The following AK9 variants were observed in gnomAD, a reference collection of about 807,000 sequenced individuals.
The protein encoded by AK9 is adenylate kinase domain containing 1.
Under a neutral mutation model 239.6 loss-of-function variants are expected in AK9, and 191 were observed. That is an observed-to-expected ratio of 0.80 (90% CI 0.71 to 0.90). The LOEUF is 0.90. AK9 is among the 40% of genes least tolerant of loss of function. AK9 has a pLI of 0.00. For synonymous variants in AK9, 689 were observed against 721.0 expected, an observed-to-expected ratio of 0.96 and a Z score of 0.71; for missense variants, 1,995 against 2,214.7, an observed-to-expected ratio of 0.90 and a Z score of 1.99.
chr6:109,566,847 T>C (rs1175436230), intron 21 of AK9, among the ~76,000 whole-genome samples: 1 of 152,024 alleles, frequency 6.6e-6, no homozygotes, highest in Non-Finnish European at 1.5e-5. Context: ...CATAACGAAA[T>C]GAAGGCAGAA....
At chr6:109,559,230 C>T (rs762203944) in intron 24 of AK9, among the ~76,000 whole-genome samples, 5 of 151,072 alleles carry the variant, frequency 3.3e-5, no homozygotes, top group Non-Finnish European at 7.4e-5. Context: ...TGCAGTGGCA[C>T]GATCTCGGCT....
At chr6:109,668,735 C>T (rs1801633713) in intron 5 of AK9, among the ~76,000 whole-genome samples, 1 of 89,778 alleles carries the variant, frequency 1.1e-5, no homozygotes, top group Admixed American at 1.4e-4. Context: ...TCTGAGGCCT[C>T]TGTTCTGTTC....
At position 109,611,991 on chromosome 6, in the gene AK9, T is replaced by G. The variant is rs977423915; in HGVS notation, c.1693+19A>C. The G allele has an allele frequency of 2.8e-6, 4 of 1,437,986 alleles. No homozygotes were observed. In the African/African-American group the frequency reaches 4.4e-5, roughly 16 times the overall value. 89.1% of individuals were successfully genotyped at this position (1,437,986 alleles called of 1,614,324 possible). ...GAACCACAATCTAAAAGAATCAAAT[T>G]ATACAAATATTAATTTACCTGTATC... On this transcript the variant is annotated intron_variant, in intron 16 of 40. Coordinates refer to ENST00000424296, the MANE Select transcript of AK9 (RefSeq NM_001145128.3).
At chr6:109,552,496 G>A (rs1163043485) in intron 24 of AK9, among the ~76,000 whole-genome samples, 1 of 152,180 alleles carries the variant, frequency 6.6e-6, no homozygotes, top group Non-Finnish European at 1.5e-5. Flanking sequence ...CCACATAAAT[G>A]TCTTCTTTTG....
At chr6:109,553,610 A>G (rs1784615225) in intron 24 of AK9, among the ~76,000 whole-genome samples, 1 of 152,190 alleles carries the variant, frequency 6.6e-6, no homozygotes, top group Non-Finnish European at 1.5e-5. Flanking sequence ...GGCTGAAATA[A>G]TGGGGTATTC....
chr6:109,636,266 C>T (rs943836413), intron 10 of AK9, among the ~76,000 whole-genome samples: 4 of 152,112 alleles, frequency 2.6e-5, no homozygotes, highest in African/African-American at 9.7e-5. Context: ...CACTCTTCAC[C>T]AGGGAGCTGG....
chr6:109,526,543 C>T (rs1780540394), intron 29 of AK9, among the ~76,000 whole-genome samples: 1 of 151,996 alleles, frequency 6.6e-6, no homozygotes, highest in Non-Finnish European at 1.5e-5. Context: ...GAAGCTACAT[C>T]TGGACAGAAG....
chr6:109,534,567 A>G (rs7775420), intron 27 of AK9, among the ~76,000 whole-genome samples: 107,039 of 150,340 alleles, frequency 0.71, 38,600 homozygotes, highest in East Asian at 0.99. Flanking sequence ...TTAGTAAGGA[A>G]GCAAATTTCC....
intron 35 of AK9, among the ~76,000 whole-genome samples, chr6:109,500,405 T>C (rs1777492728): frequency 6.6e-6 from 1 of 152,224 alleles, no homozygotes; most frequent in African/African-American, 2.4e-5. Context: ...GAATGGGGAC[T>C]TCAAAGCAAT....
intron 17 of AK9, among the ~76,000 whole-genome samples, chr6:109,590,892 C>T (rs1475773860): frequency 6.6e-6 from 1 of 152,134 alleles, no homozygotes; most frequent in Non-Finnish European, 1.5e-5. Flanking sequence ...AGGTACTTTA[C>T]ATTATTTCAA....
chr6:109,602,904 C>T (rs1296960874), intron 17 of AK9, among the ~76,000 whole-genome samples: 1 of 152,198 alleles, frequency 6.6e-6, no homozygotes, highest in Non-Finnish European at 1.5e-5. Flanking sequence ...AGTTCTCGTG[C>T]CATGGTTTTC....
intron 17 of AK9, among the ~76,000 whole-genome samples, chr6:109,592,572 G>T (rs1190870677): frequency 6.6e-6 from 1 of 150,684 alleles, no homozygotes; most frequent in African/African-American, 2.4e-5. Context: ...TCAGCCTCCC[G>T]AGTAGCTGGG....
intron 17 of AK9, among the ~76,000 whole-genome samples, chr6:109,596,968 T>C (rs1434413941): frequency 6.6e-6 from 1 of 152,226 alleles, no homozygotes; most frequent in Non-Finnish European, 1.5e-5. Flanking sequence ...CAAATAAACC[T>C]TAATTTGTTT....
At chr6:109,599,635 G>A (rs1297638810) in intron 17 of AK9, among the ~76,000 whole-genome samples, 1 of 152,112 alleles carries the variant, frequency 6.6e-6, no homozygotes, top group South Asian at 2.1e-4. Context: ...GCTTGATGGG[G>A]ATGGCATTGA....
chr6:109,582,139 A>G (rs1788935721), intron 19 of AK9, among the ~76,000 whole-genome samples: 1 of 152,186 alleles, frequency 6.6e-6, no homozygotes, highest in Admixed American at 6.5e-5. Context: ...ATAGTCACCC[A>G]AGAGCTCTGA....
At chr6:109,575,332 C>G (rs1174324673) in intron 20 of AK9, among the ~76,000 whole-genome samples, 2 of 152,084 alleles carry the variant, frequency 1.3e-5, no homozygotes, top group African/African-American at 4.8e-5. Flanking sequence ...CACATCCATG[C>G]CAACATCTAT....
At chr6:109,566,523 G>A (rs1328218090) in intron 21 of AK9, among the ~76,000 whole-genome samples, 1 of 152,050 alleles carries the variant, frequency 6.6e-6, no homozygotes, top group African/African-American at 2.4e-5. Flanking sequence ...TAAAAATCAC[G>A]AGGCATAAAG....
In AK9 at chr6:109,666,911, G is replaced by A. The variant is rs575515006; in HGVS notation, c.332-4248C>T. On this transcript the variant is annotated intron_variant, in intron 5 of 40. Coordinates refer to ENST00000424296, the MANE Select transcript of AK9 (RefSeq NM_001145128.3). ...CAAGACTATTCATAAAGATATACTC[G>A]GGGCAGGGAATGCCCAGACTGGGGC... is the stretch of plus-strand genomic sequence containing the variant. Among the ~76,000 whole-genome samples the A allele has an allele frequency of 2.6e-5, 4 of 152,214 alleles. No individual in the cohort carries two copies. The East Asian group carries it at 7.7e-4, about 29-fold the overall frequency.
At chr6:109,616,349 T>C (rs9487171) in intron 13 of AK9, among the ~76,000 whole-genome samples, 88,544 of 151,998 alleles carry the variant, frequency 0.58, 27,485 homozygotes, top group South Asian at 0.84. Flanking sequence ...AAAAACTTAA[T>C]GATTTTCTTG....
Sources: allele counts gnomAD v4.1 joint callset (sites outside exome capture counted in the v4.1 genomes callset), GRCh38; gene constraint gnomAD v4.1.1; transcripts MANE v1.5; gene names NCBI Gene and HGNC (gene_info 2026-07-23, HGNC 2026-07-21).